The following CDC73 variants were observed in gnomAD, a reference collection of about 807,000 sequenced individuals.
CDC73 encodes the protein cell division cycle 73, also known as parafibromin.
A neutral mutation model predicts 83.7 loss-of-function variants in CDC73; 21 were observed. The ratio of observed to expected loss-of-function variants is 0.25; its 90% CI spans 0.18 to 0.36. CDC73 has a LOEUF of 0.36. CDC73 is among the 10% of genes least tolerant of loss of function. The probability of loss-of-function intolerance (pLI) is 1.00; values close to 1 mark genes in which losing one functional copy is unlikely to be tolerated. For synonymous variants in CDC73, 224 were observed against 212.9 expected (o/e 1.05, Z -0.45); for missense variants, 342 against 653.3 (o/e 0.52, Z 5.19).
intron 10 of CDC73, among the ~76,000 whole-genome samples, chr1:193,164,203 C>A (rs1213879840): frequency 6.6e-6 from 1 of 152,162 alleles, no homozygotes; most frequent in African/African-American, 2.4e-5. Flanking sequence ...TTCTAAGTGA[C>A]TGAATAATTT....
chr1:193,122,492 G>T (rs1176454127), intron 1 of CDC73, 161 bp downstream of exon 1: 1 of 901,280 alleles, frequency 1.1e-6, no homozygotes, highest in Non-Finnish European at 1.7e-6. Context: ...GCACTTTTAG[G>T]GTAAGGAAAG....
chr1:193,220,157 CTTTT>C (rs776793164), intron 13 of CDC73, among the ~76,000 whole-genome samples: 14 of 108,776 alleles, frequency 1.3e-4, no homozygotes, highest in African/African-American at 5.0e-4. Flanking sequence ...ACAATGATAA[CTTTT>C]TTTTTTTTTT....
intron 10 of CDC73, among the ~76,000 whole-genome samples, chr1:193,178,126 CTT>C (rs1339625899): frequency 6.6e-6 from 1 of 152,060 alleles, no homozygotes; most frequent in Non-Finnish European, 1.5e-5. Context: ...AAGAAAACGA[CTT>C]GAGTATTGTT....
intron 10 of CDC73, among the ~76,000 whole-genome samples, chr1:193,154,197 A>G (rs1263940378): frequency 6.6e-6 from 1 of 152,212 alleles, no homozygotes; most frequent in Non-Finnish European, 1.5e-5. Context: ...TTAGTCGTAG[A>G]ATGAAGTTGT....
chr1:193,207,372 T>A (rs777493248), intron 11 of CDC73, among the ~76,000 whole-genome samples: 1 of 151,968 alleles, frequency 6.6e-6, no homozygotes, highest in Non-Finnish European at 1.5e-5. Flanking sequence ...GAAAACAGGG[T>A]TCGAGAGCAG....
intron 10 of CDC73, among the ~76,000 whole-genome samples, chr1:193,161,556 C>T (rs1676308461): frequency 7.8e-6 from 1 of 128,776 alleles, no homozygotes; most frequent in South Asian, 2.2e-4. Flanking sequence ...TTTATTTATA[C>T]ACACGCATAT....
Position 193,161,710 on chromosome 1 carries a change from CATATA to C in CDC73, c.972+9277_972+9281del, listed in dbSNP as rs1317919218. 8.0e-4 allele frequency among the ~76,000 whole-genome samples: 10 copies of C among 12,476 alleles called. 4 individuals carry two copies. Among genetic ancestry groups the C allele is most frequent in the Non-Finnish European group, 9.4e-4 (5 of 5,320 alleles). The allele number at this position is 12,476 out of a possible 152,430, so 8.2% of individuals were successfully genotyped here. On this transcript the variant is annotated intron_variant, in intron 10 of 16. Coordinates refer to ENST00000367435, the MANE Select transcript of CDC73 (RefSeq NM_024529.5). ...AATATATAATATATTATATATCTATCATATAATATAATATATATAATATATAATAT... is the reference window on the plus strand; with the variant it reads ...AATATATAATATATTATATATCTATCATATAATATATATAATATATAATAT...
intron 11 of CDC73, among the ~76,000 whole-genome samples, chr1:193,204,258 T>TGC (rs1158934965): frequency 8.0e-6 from 1 of 125,086 alleles, no homozygotes; most frequent in Non-Finnish European, 1.7e-5. Flanking sequence ...TGTGTATGTG[T>TGC]GTGTGTGTGT....
chr1:193,213,029 A>G (rs1677304437), intron 13 of CDC73, among the ~76,000 whole-genome samples: 2 of 152,176 alleles, frequency 1.3e-5, no homozygotes, highest in East Asian at 1.9e-4. Context: ...TCTAATAAAC[A>G]TGCATCACGG....
intron 9 of CDC73, among the ~76,000 whole-genome samples, chr1:193,150,806 T>C (rs1268528827): frequency 6.6e-6 from 1 of 152,224 alleles, no homozygotes; most frequent in African/African-American, 2.4e-5. Flanking sequence ...AAAATGTTAT[T>C]ATAGTGCCTG....
chr1:193,163,625 A>G (rs1676380716), intron 10 of CDC73, among the ~76,000 whole-genome samples: 1 of 152,136 alleles, frequency 6.6e-6, no homozygotes, highest in Non-Finnish European at 1.5e-5. Context: ...TAAATCATCT[A>G]ATACTTTCTA....
intron 15 of CDC73, among the ~76,000 whole-genome samples, chr1:193,245,904 A>G (rs779695568): frequency 2.0e-5 from 3 of 151,982 alleles, no homozygotes; most frequent in Non-Finnish European, 4.4e-5. Flanking sequence ...AGCATATTTT[A>G]ATATATTTGT....
intron 2 of CDC73, among the ~76,000 whole-genome samples, chr1:193,126,758 A>G (rs1675581947): frequency 6.6e-6 from 1 of 152,186 alleles, no homozygotes. Context: ...TCTTAAAACA[A>G]TCTTCTTAAA....
At chr1:193,154,798 G>A (rs1427107071) in intron 10 of CDC73, among the ~76,000 whole-genome samples, 1 of 151,956 alleles carries the variant, frequency 6.6e-6, no homozygotes, top group Non-Finnish European at 1.5e-5. Context: ...CTTCTTTTCT[G>A]CTTTGGAATT....
At chr1:193,185,536 A>G in intron 10 of CDC73, among the ~76,000 whole-genome samples, 1 of 152,194 alleles carries the variant, frequency 6.6e-6, no homozygotes, top group Non-Finnish European at 1.5e-5. Flanking sequence ...GCTGTTACAT[A>G]TTAAGGTTTT....
At chr1:193,142,117 G>A (rs1356845007) in intron 7 of CDC73, 51 bp downstream of exon 7, 2 of 1,367,140 alleles carry the variant, frequency 1.5e-6, no homozygotes, top group South Asian at 1.2e-5. Context: ...GAGAGAGAGA[G>A]TGCGTTTAAT....
intron 11 of CDC73, among the ~76,000 whole-genome samples, chr1:193,211,446 T>C (rs1171720714): frequency 6.6e-6 from 1 of 152,164 alleles, no homozygotes; most frequent in Non-Finnish European, 1.5e-5. Context: ...GTAGTAGAGA[T>C]TTTCTTGTCT....
intron 10 of CDC73, among the ~76,000 whole-genome samples, chr1:193,163,921 G>A (rs1168763569): frequency 1.3e-5 from 2 of 151,970 alleles, no homozygotes; most frequent in African/African-American, 2.4e-5. Context: ...TGGTATTACA[G>A]GTGCCCGCCA....
chr1:193,123,062 G>A (rs1675493345), intron 1 of CDC73, among the ~76,000 whole-genome samples: 1 of 152,088 alleles, frequency 6.6e-6, no homozygotes, highest in Non-Finnish European at 1.5e-5. Context: ...TTCTAGAGAC[G>A]GCTCTAACAG....
Sources: gnomAD v4.1 joint callset for allele counts (sites outside exome capture counted in the v4.1 genomes callset) on GRCh38, gnomAD v4.1.1 for gene constraint, MANE v1.5 for transcripts, NCBI Gene and HGNC (gene_info 2026-07-23, HGNC 2026-07-21) for gene names.